Variants in PTCHD4 observed in about 807,000 individuals in gnomAD.
PTCHD4 encodes the protein patched domain containing 4.
In PTCHD4, 33 loss-of-function variants were observed where a neutral mutation model predicts 58.1. That is an observed-to-expected ratio of 0.57 (90% confidence interval 0.43 to 0.76). The LOEUF (loss-of-function observed/expected upper bound fraction) is 0.76, where lower values mean the gene tolerates loss of function less well. Ranked by LOEUF, PTCHD4 falls within the 30% of genes least tolerant of loss-of-function variation. The pLI is 0.00. For missense variants in PTCHD4, 1,058 were observed against 1,027.1 expected (o/e 1.03, Z -0.41); for synonymous variants, 478 against 409.6 (o/e 1.17, Z -2.02).
At position 48,068,198 on chromosome 6, in the gene PTCHD4, G is replaced by A; in HGVS notation, c.417+32C>T. ...CTGATTTCTCAACACACACAGATGG[G>A]AAAAAGTATAATTATAGCCCTTGTG... On this transcript the variant is annotated intron_variant, in intron 3 of 4. Coordinates refer to ENST00000339488, the MANE Select transcript of PTCHD4 (RefSeq NM_001384253.1). The surrounding 1 kb of genome is among the most constrained non-coding windows in gnomAD (Gnocchi z 4.2). The A allele has an allele frequency of 1.3e-6, 2 of 1,517,638 alleles. No homozygotes were observed. Among genetic ancestry groups the A allele is most frequent in the Non-Finnish European group, 1.8e-6 (2 of 1,131,780 alleles). The allele number at this position is 1,517,638 out of a possible 1,614,324, so 94.0% of individuals were successfully genotyped here.
chr6:47,995,883 A>G (rs772294679), intron 4 of PTCHD4, among the ~76,000 whole-genome samples: 21 of 152,188 alleles, frequency 1.4e-4, no homozygotes, highest in Non-Finnish European at 1.9e-4. Flanking sequence ...CATTTAGTTC[A>G]TGTCTAGTAT....
chr6:47,944,254 A>G (rs1377402261), intron 4 of PTCHD4, among the ~76,000 whole-genome samples: 2 of 152,168 alleles, frequency 1.3e-5, no homozygotes, highest in Non-Finnish European at 2.9e-5. Flanking sequence ...TTGCACGATT[A>G]AAAATCCAAG....
At chr6:48,014,681 G>A (rs1284497439) in intron 3 of PTCHD4, among the ~76,000 whole-genome samples, 1 of 152,114 alleles carries the variant, frequency 6.6e-6, no homozygotes, top group Non-Finnish European at 1.5e-5. Context: ...GGAGATGCCT[G>A]GATGTCAGAA....
At chr6:47,908,575 G>C (rs1360849189) in intron 4 of PTCHD4, among the ~76,000 whole-genome samples, 1 of 152,162 alleles carries the variant, frequency 6.6e-6, no homozygotes, top group Non-Finnish European at 1.5e-5. Context: ...AAAGGAGTCT[G>C]TGAGCTAAGT....
chr6:48,070,298 A>G (rs1011435148), intron 1 of PTCHD4, among the ~76,000 whole-genome samples: 2 of 152,162 alleles, frequency 1.3e-5, no homozygotes, highest in South Asian at 2.1e-4. Context: ...CAATTTCTTA[A>G]TAACAGTGAA....
chr6:47,965,802 C>A (rs1363930615), intron 4 of PTCHD4, among the ~76,000 whole-genome samples: 1 of 152,068 alleles, frequency 6.6e-6, no homozygotes, highest in Non-Finnish European at 1.5e-5. Flanking sequence ...GTAGTCCCAG[C>A]TACTCGGGAG....
At position 47,879,700 on chromosome 6, in the gene PTCHD4, T is replaced by C. The variant is rs1369461795; in HGVS notation, c.1135A>G (p.Ile379Val). 8 of 1,613,484 alleles carry C rather than the reference T, an allele frequency of 5.0e-6. No homozygotes were observed. Among genetic ancestry groups the C allele is most frequent in the Non-Finnish European group, 6.8e-6 (8 of 1,179,724 alleles). Reference sequence around the variant, plus strand: ...AGACAGGAGCCAAAGAAGGAGAAAATGTAGAAGTAGTTCAACAGAATAGAG... The same window carrying C: ...AGACAGGAGCCAAAGAAGGAGAAAACGTAGAAGTAGTTCAACAGAATAGAG... ...CVSILLNYFY[I>V]FSFFGSCLVF... Residue 379 changes from isoleucine to valine, a missense_variant, in exon 5 of 5, where the codon ATT becomes GTT. Ile to Val is a conservative substitution (Grantham distance 29). Transcript: ENST00000339488.
At chr6:47,944,220 A>G (rs1387339944) in intron 4 of PTCHD4, among the ~76,000 whole-genome samples, 1 of 152,144 alleles carries the variant, frequency 6.6e-6, no homozygotes, top group East Asian at 1.9e-4. Context: ...AATCAATGAA[A>G]GATTGAGACT....
intron 3 of PTCHD4, among the ~76,000 whole-genome samples, chr6:48,020,265 TA>T (rs1763019316): frequency 6.6e-6 from 1 of 152,060 alleles, no homozygotes; most frequent in African/African-American, 2.4e-5. Flanking sequence ...ATGGGAACAT[TA>T]AAAAAGAGGT....
rs1264272734 is a variant in PTCHD4 at position 47,862,070 on chromosome 6, T to C, written c.*16233A>G. ...ATTCGAATTTAATACAAAAAGAAAA[T>C]CTATTGGAACATTTGGTAAGAGATA... On this transcript the variant is annotated 3_prime_UTR_variant, in exon 5 of 5. Transcript: ENST00000339488. Among the ~76,000 whole-genome samples the C allele has an allele frequency of 2.0e-5, 3 of 151,826 alleles. No homozygotes were observed. The East Asian group carries it at 5.8e-4, about 29-fold the overall frequency.
intron 4 of PTCHD4, among the ~76,000 whole-genome samples, chr6:47,969,647 A>G (rs374200206): frequency 6.6e-6 from 1 of 152,186 alleles, no homozygotes; most frequent in Admixed American, 6.5e-5. Context: ...ATAAAATTGC[A>G]TAACTATTAG....
At chr6:47,962,959 A>G (rs1767153668) in intron 4 of PTCHD4, among the ~76,000 whole-genome samples, 1 of 151,996 alleles carries the variant, frequency 6.6e-6, no homozygotes. Context: ...CAGGAGTTCA[A>G]GACCAGCCTG....
At chr6:48,093,491 A>G (rs1765405822) in intron 1 of PTCHD4, among the ~76,000 whole-genome samples, 1 of 151,998 alleles carries the variant, frequency 6.6e-6, no homozygotes, top group African/African-American at 2.4e-5. Context: ...GCAGAGGTGG[A>G]TTTGTAAAAT....
chr6:47,948,215 C>G (rs539531085), intron 4 of PTCHD4, among the ~76,000 whole-genome samples: 2 of 152,324 alleles, frequency 1.3e-5, no homozygotes, highest in South Asian at 4.1e-4. Flanking sequence ...TGGCTGCCAG[C>G]CGGAGGTGCC....
At chr6:47,973,664 A>G (rs1393609503) in intron 4 of PTCHD4, among the ~76,000 whole-genome samples, 7 of 152,222 alleles carry the variant, frequency 4.6e-5, no homozygotes, top group Non-Finnish European at 1.0e-4. Context: ...CTGTATATCT[A>G]TAAGTATGGA....
intron 4 of PTCHD4, among the ~76,000 whole-genome samples, chr6:47,957,585 A>AT (rs1256287300): frequency 7.2e-6 from 1 of 139,314 alleles, no homozygotes; most frequent in Non-Finnish European, 1.6e-5. Context: ...TTTTTTTTTT[A>AT]TTTTTTTTAT....
At chr6:48,090,709 A>T (rs1051977055) in intron 1 of PTCHD4, among the ~76,000 whole-genome samples, 9 of 152,198 alleles carry the variant, frequency 5.9e-5, no homozygotes, top group Non-Finnish European at 1.3e-4. Flanking sequence ...ATACATCATA[A>T]TGTAGAATGC....
chr6:47,899,355 A>G (rs1764626644), intron 4 of PTCHD4, among the ~76,000 whole-genome samples: 1 of 152,226 alleles, frequency 6.6e-6, no homozygotes, highest in African/African-American at 2.4e-5. Flanking sequence ...CAGATTGAAT[A>G]CAAATATTTC....
chr6:47,914,942 T>C (rs1765198512), intron 4 of PTCHD4, among the ~76,000 whole-genome samples: 1 of 152,112 alleles, frequency 6.6e-6, no homozygotes, highest in Non-Finnish European at 1.5e-5. Flanking sequence ...TATCATAATG[T>C]TCTTTCTTCT....
Sources: allele counts gnomAD v4.1 joint callset (sites outside exome capture counted in the v4.1 genomes callset), GRCh38; gene constraint gnomAD v4.1.1; non-coding constraint Gnocchi (gnomAD v3.1); transcripts MANE v1.5; gene names NCBI Gene and HGNC (gene_info 2026-07-23, HGNC 2026-07-21).